Variants in MAPK15 observed in about 807,000 individuals in gnomAD.
MAPK15 encodes the protein ERK-7.
In MAPK15, 61 loss-of-function variants were observed where a neutral mutation model predicts 60.8. That is an observed-to-expected ratio of 1.00 (90% CI 0.82 to 1.24). The LOEUF (loss-of-function observed/expected upper bound fraction) is 1.24, where lower values mean the gene tolerates loss of function less well. Among genes scored for constraint, MAPK15 ranks in the 50% most tolerant of loss-of-function variants. The pLI is 0.00. For synonymous variants in MAPK15, 356 were observed against 319.9 expected, an observed-to-expected ratio of 1.11 and a Z score of -1.21; for missense variants, 808 against 741.1, an observed-to-expected ratio of 1.09 and a Z score of -1.05.
rs782692677 is a variant in MAPK15, at chr8:143,718,927, T to C, written c.417+22T>C. 1.7e-5 allele frequency: 27 copies of C among 1,598,846 alleles called. No individual in the cohort carries two copies. In the East Asian group the frequency reaches 5.8e-4, roughly 35 times the overall value. On this transcript the variant is annotated intron_variant, in intron 5 of 13. Transcript: ENST00000338033. ...GAAGGTGCGGTTCCCCCGCCCCCGC[T>C]ATGCCACGTGGCCCGGCTCCCGGCC...
intron 6 of MAPK15, 51 bp downstream of exon 6, chr8:143,719,207 G>T (rs1554619217): frequency 3.4e-6 from 5 of 1,489,782 alleles, no homozygotes; most frequent in Admixed American, 2.2e-5. Flanking sequence ...CTGCCCTCCT[G>T]CCCAGCCAGG....
intron 7 of MAPK15, among the ~76,000 whole-genome samples, chr8:143,719,783 G>A (rs963810157): frequency 1.3e-5 from 2 of 152,158 alleles, no homozygotes; most frequent in Non-Finnish European, 2.9e-5. Flanking sequence ...CAGGGGCAGG[G>A]ACTGTCACTG....
Position 143,718,092 on chromosome 8 carries a change from C to T in MAPK15, c.195+16C>T. The T allele has an allele frequency of 6.2e-7, 1 of 1,614,038 alleles. No individual in the cohort carries two copies. The highest frequency in any genetic ancestry group is 8.5e-7 in the Non-Finnish European group (1 of 1,179,918). ...GCTCCTCCAGGTGAGTGGCCTGGGC[C>T]CTCCAGTCCAATCCCCTTGCCCAGG... On this transcript the variant is annotated intron_variant, in intron 3 of 13. Transcript: ENST00000338033.
chr8:143,720,263 CTG>C lies in MAPK15; in HGVS notation c.758_759del (p.Val253AlafsTer29). On this transcript the variant is annotated frameshift_variant, in exon 8 of 14. Coordinates refer to ENST00000338033, the MANE Select transcript of MAPK15 (RefSeq NM_139021.3). LOFTEE classifies it high-confidence loss of function. This position sits in a 1 kb window ranked among gnomAD's most constrained non-coding sequence, Gnocchi z 4.6. ...GCTCTCGGCTCAGGCTGCCGTGCCT[CTG>C]TGCTGCACCAGCTGGGGTCCCGGTG... 2 of 1,589,956 alleles carry C rather than the reference CTG, an allele frequency of 1.3e-6. No homozygotes were observed. Among genetic ancestry groups the C allele is most frequent in the Non-Finnish European group, 1.7e-6 (2 of 1,167,698 alleles).
chr8:143,719,223 C>T, intron 6 of MAPK15, 67 bp downstream of exon 6: 1 of 1,500,982 alleles, frequency 6.7e-7, no homozygotes, highest in Non-Finnish European at 8.9e-7. Flanking sequence ...CCAGGGCTCC[C>T]AGGCCTCCCG....
At chr8:143,717,963 G>A (rs1817876286) in intron 2 of MAPK15, 84 bp from the exon 3 acceptor site, 1 of 1,589,046 alleles carries the variant, frequency 6.3e-7, no homozygotes, top group South Asian at 1.1e-5. Flanking sequence ...TTGGGTGACA[G>A]ACATCAGCTC....
At position 143,722,255 on chromosome 8, in the gene MAPK15, G is replaced by A. The variant is rs372242038; in HGVS notation, c.*4G>A. On this transcript the variant is annotated 3_prime_UTR_variant, in exon 14 of 14. Transcript: ENST00000338033. ...GCTGGAGGGGCACCATGTGTGAGCC[G>A]CCCTACTCCCTTCACCTGGCCCTCT... is the stretch of plus-strand genomic sequence containing the variant. 59 of 1,559,580 alleles carry A rather than the reference G, an allele frequency of 3.8e-5. No homozygotes were observed. In the Middle Eastern group the frequency reaches 8.7e-4, roughly 23 times the overall value.
In MAPK15 at chr8:143,721,850, C is replaced by A; in HGVS notation, c.1428C>A (p.Gly476=). 6.2e-7 allele frequency: 1 copy of A among 1,604,470 alleles called. No homozygotes were observed. The highest frequency in any genetic ancestry group is 8.5e-7 in the Non-Finnish European group (1 of 1,175,798). Residue 476 remains glycine, a synonymous_variant, in exon 13 of 14, where the codon GGC becomes GGA. Transcript: ENST00000338033. ...QALIRGDWNR[G]GGVRVASVQQ... ...TGATCCGGGGTGACTGGAACCGGGG[C>A]GGTGGGGTGAGGGTGGCCAGCGTAC... is the stretch of plus-strand genomic sequence containing the variant.
At position 143,720,138 on chromosome 8, in the gene MAPK15, C is replaced by T. The variant is rs1817988504; in HGVS notation, c.722-92C>T. ...GAAACCCTGTAGAGAGGCTGTGCTC[C>T]CTGGGGCTGGAAGAGATGACTGGCC... On this transcript the variant is annotated intron_variant, in intron 7 of 13. Coordinates refer to ENST00000338033, the MANE Select transcript of MAPK15 (RefSeq NM_139021.3). The surrounding 1 kb of genome is among the most constrained non-coding windows in gnomAD (Gnocchi z 4.6). The T allele has an allele frequency of 6.6e-7, 1 of 1,514,348 alleles. No homozygotes were observed. Among genetic ancestry groups the T allele is most frequent in the Non-Finnish European group, 8.9e-7 (1 of 1,127,776 alleles). 93.8% of individuals were successfully genotyped at this position (1,514,348 alleles called of 1,614,324 possible).
chr8:143,718,744 C>T (rs370474344), intron 4 of MAPK15, 31 bp from the exon 5 acceptor site: 3 of 1,455,734 alleles, frequency 2.1e-6, no homozygotes, highest in African/African-American at 2.9e-5. Flanking sequence ...CAGCCCCCCA[C>T]CCCCGACTGC....
intron 4 of MAPK15, 31 bp from the exon 5 acceptor site, chr8:143,718,743 AC>A: frequency 2.6e-5 from 4 of 155,576 alleles, no homozygotes; most frequent in Non-Finnish European, 3.8e-5. Flanking sequence ...CCAGCCCCCC[AC>A]CCCCGACTGC....
At chr8:143,718,721 C>CGGGGG in intron 4 of MAPK15, 54 bp from the exon 5 acceptor site, 11 of 796,148 alleles carry the variant, frequency 1.4e-5, no homozygotes, top group East Asian at 5.5e-5. Flanking sequence ...CCACTCCCCC[C>CGGGGG]AGGTTGCCCC....
chr8:143,717,538 C>T lies in MAPK15; in HGVS notation c.67-156C>T, dbSNP rs532223770. Among the ~76,000 whole-genome samples, 17 of 152,272 alleles carry T rather than the reference C, an allele frequency of 1.1e-4. 3 individuals are homozygous for T. The highest frequency in any genetic ancestry group is 1.0e-3 in the Admixed American group (16 of 15,298). On this transcript the variant is annotated intron_variant, in intron 1 of 13. Coordinates refer to ENST00000338033, the MANE Select transcript of MAPK15 (RefSeq NM_139021.3). ...CTACCTCCCCTCCTCTGGAAGATGT[C>T]GGAGTCTAGGGCAGCCTGCAGTTGC...
chr8:143,720,840 G>C lies in MAPK15; in HGVS notation c.917G>C (p.Arg306Thr), dbSNP rs1554619571. 1 of 1,611,560 alleles carries C rather than the reference G, an allele frequency of 6.2e-7. No homozygotes were observed. Among genetic ancestry groups the C allele is most frequent in the South Asian group, 1.1e-5 (1 of 91,028 alleles). Residue 306 changes from arginine (R) to threonine (T), a missense_variant and splice_region_variant, in exon 9 of 14, where the codon AGG becomes ACG. Physicochemically the swap from Arg to Thr is moderately conservative, Grantham distance 71. Coordinates refer to ENST00000338033, the MANE Select transcript of MAPK15 (RefSeq NM_139021.3). The surrounding 1 kb of genome is among the most constrained non-coding windows in gnomAD (Gnocchi z 4.6). ...GCACTGCAGCACCCCTACGTGCAGA[G>C]GTGGGGGTGGGAGAGAGTCCCCCAA... ...TQALQHPYVQ[R>T]FHCPSDEWAR...
chr8:143,716,358 C>T lies in MAPK15; in HGVS notation c.-20C>T, dbSNP rs1817807013. 2 of 1,588,916 alleles carry T rather than the reference C, an allele frequency of 1.3e-6. No homozygotes were observed. The highest frequency in any genetic ancestry group is 4.8e-5 in the East Asian group (2 of 41,614). ...CGGCAACCGACTCAACAGTAAGGCC[C>T]CGCGGGCGTCCTGGCCGCCATGTGC... On this transcript the variant is annotated 5_prime_UTR_variant, in exon 1 of 14. Coordinates refer to ENST00000338033, the MANE Select transcript of MAPK15 (RefSeq NM_139021.3).
intron 1 of MAPK15, 76 bp from the exon 2 acceptor site, chr8:143,717,618 A>G: frequency 7.8e-7 from 1 of 1,279,202 alleles, no homozygotes; most frequent in South Asian, 1.3e-5. Context: ...GAGGAGCCTC[A>G]TGTCTGTAGG....
In MAPK15 at chr8:143,722,455, C is replaced by A; in HGVS notation, c.*204C>A. On this transcript the variant is annotated 3_prime_UTR_variant, in exon 14 of 14. Transcript: ENST00000338033. Reference sequence around the variant, plus strand: ...TCCTCCAATAAAGTCATGTCTGCCCCCAACCTAAGCAGCCATCGTTCCTCC... The same window carrying A: ...TCCTCCAATAAAGTCATGTCTGCCCACAACCTAAGCAGCCATCGTTCCTCC... 1 of 501,446 alleles carries A rather than the reference C, an allele frequency of 2.0e-6. No homozygotes were observed. The highest frequency in any genetic ancestry group is 3.4e-5 in the East Asian group (1 of 29,380). 31.1% of individuals were successfully genotyped at this position (501,446 alleles called of 1,614,324 possible). A position where few individuals can be genotyped will look rare whatever the true frequency, so the allele number is the denominator to read the frequency against.
chr8:143,720,165 C>G lies in MAPK15; in HGVS notation c.722-65C>G. The G allele has an allele frequency of 6.5e-7, 1 of 1,539,424 alleles. No individual in the cohort carries two copies. The highest frequency in any genetic ancestry group is 2.0e-5 in the Admixed American group (1 of 50,936). On this transcript the variant is annotated intron_variant, in intron 7 of 13. Coordinates refer to ENST00000338033, the MANE Select transcript of MAPK15 (RefSeq NM_139021.3). The surrounding 1 kb of genome is among the most constrained non-coding windows in gnomAD (Gnocchi z 4.6). ...TGGGGCTGGAAGAGATGACTGGCCC[C>G]AGATGCCCTGAGCCGCCCCAGCCGA...
In MAPK15 at chr8:143,719,497, TG is replaced by T; in HGVS notation, c.721+19del. On this transcript the variant is annotated intron_variant, in intron 7 of 13. Coordinates refer to ENST00000338033, the MANE Select transcript of MAPK15 (RefSeq NM_139021.3). Reference sequence around the variant, plus strand: ...ATCTGAGGAGGGTGAGCCAGGCTGCTGGGGCTGGGCACCGGGAATGCTGCAG... The same window carrying T: ...ATCTGAGGAGGGTGAGCCAGGCTGCTGGGCTGGGCACCGGGAATGCTGCAG... 1 of 1,605,024 alleles carries T rather than the reference TG, an allele frequency of 6.2e-7. No individual in the cohort carries two copies. Among genetic ancestry groups the T allele is most frequent in the Non-Finnish European group, 8.5e-7 (1 of 1,177,308 alleles).
Sources: gnomAD v4.1 joint callset for allele counts (sites outside exome capture counted in the v4.1 genomes callset) on GRCh38, gnomAD v4.1.1 for gene constraint, Gnocchi (gnomAD v3.1) non-coding constraint, MANE v1.5 for transcripts, NCBI Gene and HGNC (gene_info 2026-07-23, HGNC 2026-07-21) for gene names.